ACKR2: variants seen among roughly 807,000 people sequenced by gnomAD.
The protein encoded by ACKR2 is C-C chemokine receptor D6.
For synonymous variants in ACKR2, 207 were observed against 192.2 expected, an observed-to-expected ratio of 1.08 and a Z score of -0.64; for missense variants, 457 against 477.3, an observed-to-expected ratio of 0.96 and a Z score of 0.40.
intron 2 of ACKR2, among the ~76,000 whole-genome samples, chr3:42,828,091 TA>T (rs201467932): frequency 0.031 from 2,738 of 89,726 alleles, 96 homozygotes; most frequent in African/African-American, 0.11. Flanking sequence ...TATATATATA[TA>T]TTTTTTTTTT....
intron 1 of ACKR2, among the ~76,000 whole-genome samples, chr3:42,818,623 G>A (rs915222106): frequency 1.3e-5 from 2 of 152,110 alleles, no homozygotes; most frequent in East Asian, 1.9e-4. Context: ...GTGCAGTGGC[G>A]CGATCTCGGC....
chr3:42,859,942 T>C (rs2088362451), intron 2 of ACKR2, among the ~76,000 whole-genome samples: 1 of 151,426 alleles, frequency 6.6e-6, no homozygotes, highest in East Asian at 1.9e-4. Context: ...ATGGGAAAAA[T>C]AACCAGCTAG....
chr3:42,811,096 C>T (rs1286307382), intron 1 of ACKR2, among the ~76,000 whole-genome samples: 1 of 152,194 alleles, frequency 6.6e-6, no homozygotes, highest in Non-Finnish European at 1.5e-5. Flanking sequence ...GTGATCTGCC[C>T]ACCTCAGCCT....
At chr3:42,850,433 C>T (rs1365778932) in intron 2 of ACKR2, among the ~76,000 whole-genome samples, 4 of 152,174 alleles carry the variant, frequency 2.6e-5, no homozygotes, top group Non-Finnish European at 5.9e-5. Flanking sequence ...CCAGTAAATG[C>T]AGAGCCAGGT....
chr3:42,819,425 C>T (rs574607112), intron 1 of ACKR2, among the ~76,000 whole-genome samples: 4 of 86,594 alleles, frequency 4.6e-5, no homozygotes, highest in African/African-American at 2.4e-4. Flanking sequence ...GAGCTGGGCT[C>T]CCTCACTGTT....
In ACKR2 at chr3:42,864,988, G is replaced by T; in HGVS notation, c.486G>T (p.Leu162=). 6.2e-7 allele frequency: 1 copy of T among 1,614,152 alleles called. No individual in the cohort carries two copies. The highest frequency in any genetic ancestry group is 8.5e-7 in the Non-Finnish European group (1 of 1,180,026). ...GGCTGAGGACCCGGGCCAAGAGCCT[G>T]CTCCTTGCTACCATAGTATGGGCTG... ...YHRLRTRAKS[L]LLATIVWAVS... Residue 162 remains leucine (L), a synonymous_variant, in exon 3 of 3, where the codon CTG becomes CTT. Coordinates refer to ENST00000422265, the MANE Select transcript of ACKR2 (RefSeq NM_001296.5).
chr3:42,859,979 G>A (rs963015748), intron 2 of ACKR2, among the ~76,000 whole-genome samples: 49 of 151,506 alleles, frequency 3.2e-4, no homozygotes, highest in African/African-American at 9.4e-4. Context: ...TCAAATTCAC[G>A]CATAACAATA....
At chr3:42,822,992 T>C (rs982961820) in intron 2 of ACKR2, among the ~76,000 whole-genome samples, 2 of 152,112 alleles carry the variant, frequency 1.3e-5, no homozygotes, top group African/African-American at 4.8e-5. Context: ...ACTGTTCCTT[T>C]GATGTGAGTC....
At position 42,832,428 on chromosome 3, in the gene ACKR2, G is replaced by A. The variant is rs535631161; in HGVS notation, c.-38+12717G>A. Among the ~76,000 whole-genome samples, 4 of 152,140 alleles carry A rather than the reference G, an allele frequency of 2.6e-5. No individual in the cohort carries two copies. In the East Asian group the frequency reaches 5.8e-4, roughly 22 times the overall value. On this transcript the variant is annotated intron_variant, in intron 2 of 2. Transcript: ENST00000422265. Reference sequence around the variant, plus strand: ...CACTTGAACTGGGGAGGCAGAGGTTGCAGTGAGCTGAGATTGCGCCACTGC... The same window carrying A: ...CACTTGAACTGGGGAGGCAGAGGTTACAGTGAGCTGAGATTGCGCCACTGC...
In ACKR2 at chr3:42,864,907, T is replaced by C. The variant is rs2088418017; in HGVS notation, c.405T>C (p.Ile135=). Residue 135 remains isoleucine, a synonymous_variant, in exon 3 of 3, where the codon ATT becomes ATC. Transcript: ENST00000422265. ...ACTTTTACAGTGGCATCTTTTTCATTAGCTGCATGAGCCTGGACAAGTACC... is the reference window on the plus strand; with the variant it reads ...ACTTTTACAGTGGCATCTTTTTCATCAGCTGCATGAGCCTGGACAAGTACC... The part of the protein sequence containing the change: ...TINFYSGIFF[I]SCMSLDKYLE... 1 of 1,614,104 alleles carries C rather than the reference T, an allele frequency of 6.2e-7. No individual in the cohort carries two copies. Among genetic ancestry groups the C allele is most frequent in the Non-Finnish European group, 8.5e-7 (1 of 1,180,032 alleles).
At chr3:42,812,680 CT>C (rs71616070) in intron 1 of ACKR2, among the ~76,000 whole-genome samples, 3 of 72,758 alleles carry the variant, frequency 4.1e-5, no homozygotes, top group African/African-American at 1.1e-4. Flanking sequence ...AATTTTCAGC[CT>C]TTTTTTTTTT....
At chr3:42,851,310 T>C in intron 2 of ACKR2, 1 of 966,944 alleles carries the variant, frequency 1.0e-6, no homozygotes, top group Non-Finnish European at 1.2e-6. Context: ...AAGCAGGATA[T>C]ACATAGGCTG....
In ACKR2 at chr3:42,863,922, T is replaced by TG. The variant is rs200438550; in HGVS notation, c.-37-541dup. Among the ~76,000 whole-genome samples, 1,490 of 152,292 alleles carry TG rather than the reference T, an allele frequency of 9.8e-3. 26 individuals carry two copies. Among genetic ancestry groups the TG allele is most frequent in the South Asian group, 0.077 (372 of 4,822 alleles). On this transcript the variant is annotated intron_variant, in intron 2 of 2. Coordinates refer to ENST00000422265, the MANE Select transcript of ACKR2 (RefSeq NM_001296.5). ...ATACCTAATGTAAATGACAGATTGATGGGTGCAGCAAACCACCATGGTATG... is the reference window on the plus strand; with the variant it reads ...ATACCTAATGTAAATGACAGATTGATGGGGTGCAGCAAACCACCATGGTATG...
chr3:42,827,159 G>T (rs1700876412), intron 2 of ACKR2, among the ~76,000 whole-genome samples: 1 of 152,182 alleles, frequency 6.6e-6, no homozygotes, highest in African/African-American at 2.4e-5. Flanking sequence ...CCTGGAGAAT[G>T]CTGTATGTGC....
At chr3:42,828,092 A>ATATATATATATAT (rs1193533555) in intron 2 of ACKR2, among the ~76,000 whole-genome samples, 6 of 121,898 alleles carry the variant, frequency 4.9e-5, no homozygotes, top group Non-Finnish European at 3.4e-5. Flanking sequence ...ATATATATAT[A>ATATATATATATAT]TTTTTTTTTT....
At chr3:42,833,843 T>G (rs1173094262) in intron 2 of ACKR2, among the ~76,000 whole-genome samples, 1 of 152,216 alleles carries the variant, frequency 6.6e-6, no homozygotes, top group East Asian at 1.9e-4. Flanking sequence ...GAAACCCAGA[T>G]TTTCAACCCT....
At chr3:42,837,252 T>C (rs1700995203) in intron 2 of ACKR2, among the ~76,000 whole-genome samples, 1 of 152,022 alleles carries the variant, frequency 6.6e-6, no homozygotes, top group Non-Finnish European at 1.5e-5. Context: ...GGTTTCACTC[T>C]GTCGCCTAGG....
intron 1 of ACKR2, among the ~76,000 whole-genome samples, chr3:42,817,037 G>C (rs1700758026): frequency 6.6e-6 from 1 of 152,104 alleles, no homozygotes; most frequent in African/African-American, 2.4e-5. Flanking sequence ...TTATGACCTT[G>C]AACACGTTAT....
chr3:42,831,039 T>C (rs1437029388), intron 2 of ACKR2, among the ~76,000 whole-genome samples: 2 of 146,326 alleles, frequency 1.4e-5, no homozygotes, highest in East Asian at 4.0e-4. Context: ...GCAAAAAAAA[T>C]AAAAAAAAAG....
Sources: gnomAD v4.1 joint callset for allele counts (sites outside exome capture counted in the v4.1 genomes callset) on GRCh38, gnomAD v4.1.1 for gene constraint, MANE v1.5 for transcripts, NCBI Gene and HGNC (gene_info 2026-07-23, HGNC 2026-07-21) for gene names.